Variants in CRB1 observed in about 807,000 individuals in gnomAD.
CRB1 encodes the protein crumbs cell polarity complex component 1, also known as protein crumbs homolog 1.
A neutral mutation model predicts 120.0 loss-of-function variants in CRB1; 83 were observed. The observed-to-expected ratio is 0.69, with a 90% CI of 0.58 to 0.83. The LOEUF (loss-of-function observed/expected upper bound fraction) is 0.83, where lower values mean the gene tolerates loss of function less well. Ranked by LOEUF, CRB1 falls within the 40% of genes least tolerant of loss-of-function variation. The pLI is 0.00. For missense variants in CRB1, 1,699 were observed against 1,687.6 expected, an observed-to-expected ratio of 1.01 and a Z score of -0.12; for synonymous variants, 625 against 612.5, an observed-to-expected ratio of 1.02 and a Z score of -0.30.
intron 4 of CRB1, among the ~76,000 whole-genome samples, chr1:197,352,822 A>C (rs774463810): frequency 1.1e-4 from 16 of 152,076 alleles, no homozygotes; most frequent in Non-Finnish European, 2.1e-4. Context: ...GATTTAACAT[A>C]TGATCTCATT....
Position 197,273,402 on chromosome 1 carries a change from A to C in CRB1, c.70+4920A>C, listed in dbSNP as rs144203734. ...CCTTACTCACCTGGGAGGTGGTGTT[A>C]TCAGGTTTCCCTGATAACTATAAAG... On this transcript the variant is annotated intron_variant, in intron 1 of 11. Transcript: ENST00000367400. 6.4e-3 allele frequency among the ~76,000 whole-genome samples: 969 copies of C among 152,228 alleles called. 14 individuals are homozygous for C. Among genetic ancestry groups the C allele is most frequent in the African/African-American group, 0.023 (939 of 41,560 alleles).
intron 5 of CRB1, among the ~76,000 whole-genome samples, chr1:197,404,641 T>C (rs1663248830): frequency 6.6e-6 from 1 of 152,182 alleles, no homozygotes; most frequent in South Asian, 2.1e-4. Flanking sequence ...CTCTCATCTT[T>C]TTCTTGTCTT....
At chr1:197,340,904 C>G (rs1435670079) in intron 2 of CRB1, among the ~76,000 whole-genome samples, 1 of 152,160 alleles carries the variant, frequency 6.6e-6, no homozygotes, top group Non-Finnish European at 1.5e-5. Flanking sequence ...GTTTAATTAA[C>G]TCACAGTTCC....
intron 11 of CRB1, among the ~76,000 whole-genome samples, chr1:197,459,511 C>T (rs1419853009): frequency 2.0e-5 from 3 of 152,094 alleles, no homozygotes; most frequent in Non-Finnish European, 2.9e-5. Context: ...CTCTCTGTGT[C>T]CTCACATGAC....
chr1:197,357,001 C>T lies in CRB1; in HGVS notation c.1159C>T (p.Pro387Ser). 6.2e-7 allele frequency: 1 copy of T among 1,614,156 alleles called. No individual in the cohort carries two copies. Among genetic ancestry groups the T allele is most frequent in the East Asian group, 2.2e-5 (1 of 44,880 alleles). The change falls in exon 5 of 12, where the codon CCT (proline) becomes TCT (serine). Residue 387 changes from proline to serine, a missense_variant. Transcript: ENST00000367400. Reference sequence around the variant, plus strand: ...CTCAGGTTATGTCTGTATCTGTCAGCCTGGATTCACAGGTGAGGCCAAGGA... The same window carrying T: ...CTCAGGTTATGTCTGTATCTGTCAGTCTGGATTCACAGGTGAGGCCAAGGA... ...EASGYVCICQ[P>S]GFTGIHCEED... is the part of the protein sequence containing the mutation.
intron 6 of CRB1, among the ~76,000 whole-genome samples, chr1:197,424,485 C>A (rs1335835461): frequency 6.6e-6 from 1 of 152,182 alleles, no homozygotes; most frequent in African/African-American, 2.4e-5. Context: ...AGTTTTCCGA[C>A]ACTTCATCAG....
intron 11 of CRB1, among the ~76,000 whole-genome samples, chr1:197,471,628 T>G (rs1275755263): frequency 1.3e-5 from 2 of 152,212 alleles, no homozygotes; most frequent in African/African-American, 4.8e-5. Flanking sequence ...AGCCTCCTCC[T>G]TATCCCAGGA....
the CRB1 span, among the ~76,000 whole-genome samples, chr1:197,223,788 T>C: frequency 0.17 from 25,516 of 152,110 alleles, 2,367 homozygotes; most frequent in Middle Eastern, 0.25. Context: ...TTTGGAACTC[T>C]TTCTGATTGA....
intron 5 of CRB1, among the ~76,000 whole-genome samples, chr1:197,406,744 C>A (rs1407727269): frequency 1.3e-5 from 2 of 151,596 alleles, no homozygotes; most frequent in African/African-American, 4.8e-5. Flanking sequence ...TTTTTTTTAA[C>A]CAAATGACAA....
At chr1:197,453,277 AT>A (rs1240640149) in intron 11 of CRB1, among the ~76,000 whole-genome samples, 4 of 145,166 alleles carry the variant, frequency 2.8e-5, no homozygotes, top group African/African-American at 1.0e-4. Flanking sequence ...GTGTATATAT[AT>A]ATATATAATT....
intron 11 of CRB1, among the ~76,000 whole-genome samples, chr1:197,464,800 A>T (rs1666683922): frequency 6.6e-6 from 1 of 152,232 alleles, no homozygotes; most frequent in South Asian, 2.1e-4. Context: ...ATAAAATATA[A>T]TCAAGCACAT....
chr1:197,333,779 G>T (rs1355646646), intron 2 of CRB1, among the ~76,000 whole-genome samples: 4 of 152,206 alleles, frequency 2.6e-5, no homozygotes, highest in East Asian at 1.9e-4. Context: ...AGTTCATGGA[G>T]ACTAGTTAGG....
Position 197,289,256 on chromosome 1 carries a change from G to T in CRB1, c.70+20774G>T, listed in dbSNP as rs78127112. Among the ~76,000 whole-genome samples the T allele has an allele frequency of 3.1e-3, 473 of 151,912 alleles. 1 individual carries two copies. Among genetic ancestry groups the T allele is most frequent in the African/African-American group, 0.011 (452 of 41,500 alleles). The stretch of plus-strand genomic sequence containing the variant: ...CTCATTCTGTCAATAAGCAGGAAAT[G>T]TTTTCCTGAAATATAATTATCTTCT... On this transcript the variant is annotated intron_variant, in intron 1 of 11. Coordinates refer to ENST00000367400, the MANE Select transcript of CRB1 (RefSeq NM_201253.3).
At chr1:197,364,075 T>C in intron 5 of CRB1, 5 of 1,296,498 alleles carry the variant, frequency 3.9e-6, no homozygotes, top group Non-Finnish European at 5.5e-6. Context: ...GTGGCGGGGC[T>C]GCTGAGGCGG....
the CRB1 span, among the ~76,000 whole-genome samples, chr1:197,206,088 T>C: frequency 6.6e-6 from 1 of 152,036 alleles, no homozygotes; most frequent in Non-Finnish European, 1.5e-5. Context: ...ATTTCTGTGG[T>C]ATCAGCTGTA....
intron 1 of CRB1, among the ~76,000 whole-genome samples, chr1:197,290,264 TCG>T (rs1656091016): frequency 2.2e-5 from 2 of 89,604 alleles, no homozygotes; most frequent in African/African-American, 9.5e-5. Flanking sequence ...ATGTTCCCTT[TCG>T]TGTGTGTGTG....
chr1:197,477,620 C>T (rs768530285), intron 11 of CRB1, 44 bp from the exon 12 acceptor site: 2 of 1,568,734 alleles, frequency 1.3e-6, no homozygotes, highest in Non-Finnish European at 8.8e-7. Flanking sequence ...TATTTATTTG[C>T]CTTTGCTATA....
intron 5 of CRB1, among the ~76,000 whole-genome samples, chr1:197,405,035 GCTCGCC>G (rs879727724): frequency 0.026 from 3,979 of 151,526 alleles, 70 homozygotes; most frequent in Non-Finnish European, 0.038. Context: ...TTAATAATGT[GCTCGCC>G]CTCGCCCTCT....
intron 5 of CRB1, among the ~76,000 whole-genome samples, chr1:197,376,077 C>T (rs1172249216): frequency 6.6e-6 from 1 of 152,130 alleles, no homozygotes; most frequent in Non-Finnish European, 1.5e-5. Context: ...TATTTAACAT[C>T]TGCCCCCTTT....
Sources: gnomAD v4.1 joint callset for allele counts (sites outside exome capture counted in the v4.1 genomes callset) on GRCh38, gnomAD v4.1.1 for gene constraint, MANE v1.5 for transcripts, NCBI Gene and HGNC (gene_info 2026-07-23, HGNC 2026-07-21) for gene names.